PHACTR1: variants seen among roughly 807,000 people sequenced by gnomAD.
PHACTR1 encodes RPEL repeat containing 1.
PHACTR1 carries 16 observed loss-of-function variants against 69.2 expected under a neutral mutation model. The observed-to-expected ratio is 0.23, with a 90% confidence interval of 0.16 to 0.35. The LOEUF (loss-of-function observed/expected upper bound fraction) is 0.35, where lower values mean the gene tolerates loss of function less well. PHACTR1 is among the 10% of genes least tolerant of loss of function. The probability of loss-of-function intolerance (pLI) is 1.00; values close to 1 mark genes in which losing one functional copy is unlikely to be tolerated. For synonymous variants in PHACTR1, 312 were observed against 284.5 expected (o/e 1.10, Z -0.97); for missense variants, 510 against 734.7 (o/e 0.69, Z 3.54).
chr6:12,924,840 T>C (rs1788109643), intron 4 of PHACTR1, among the ~76,000 whole-genome samples: 1 of 152,066 alleles, frequency 6.6e-6, no homozygotes. Context: ...CTTACACTCA[T>C]TTGGACCCAA....
In PHACTR1 at chr6:13,283,188, A is replaced by G; in HGVS notation, c.1510-234A>G. On this transcript the variant is annotated intron_variant, in intron 12 of 14. Coordinates refer to ENST00000332995, the MANE Select transcript of PHACTR1 (RefSeq NM_030948.6). This position sits in a 1 kb window ranked among gnomAD's most constrained non-coding sequence, Gnocchi z 4.7. ...AAAAAAAGAGCTTGGCCTAGAGGGT[A>G]TGTAAGGGATAACAAAGCTCTCTCT... is the stretch of plus-strand genomic sequence containing the variant. 1 of 455,040 alleles carries G rather than the reference A, an allele frequency of 2.2e-6. No individual in the cohort carries two copies. 28.2% of individuals were successfully genotyped at this position (455,040 alleles called of 1,614,324 possible).
chr6:12,820,578 G>A (rs535645805), intron 4 of PHACTR1, among the ~76,000 whole-genome samples: 16 of 152,124 alleles, frequency 1.1e-4, no homozygotes, highest in African/African-American at 2.9e-4. Flanking sequence ...CTCTCTTCTC[G>A]CTTTCTCCTC....
At chr6:13,142,318 G>C (rs1275151291) in intron 5 of PHACTR1, among the ~76,000 whole-genome samples, 7 of 152,108 alleles carry the variant, frequency 4.6e-5, no homozygotes, top group Non-Finnish European at 8.8e-5. Flanking sequence ...TGGCCAGGCT[G>C]GTCTTGAACT....
chr6:13,091,960 G>A (rs1345130253), intron 5 of PHACTR1, among the ~76,000 whole-genome samples: 1 of 152,128 alleles, frequency 6.6e-6, no homozygotes, highest in Non-Finnish European at 1.5e-5. Context: ...ACCACGCCTG[G>A]CTAATTTTTT....
At chr6:12,840,040 T>C (rs1428733850) in intron 4 of PHACTR1, among the ~76,000 whole-genome samples, 1 of 152,118 alleles carries the variant, frequency 6.6e-6, no homozygotes, top group Non-Finnish European at 1.5e-5. Flanking sequence ...TGTCAGCCCT[T>C]GCTCCTGTAC....
intron 7 of PHACTR1, among the ~76,000 whole-genome samples, chr6:13,189,048 A>G (rs1763164008): frequency 6.6e-6 from 1 of 152,256 alleles, no homozygotes; most frequent in Non-Finnish European, 1.5e-5. Flanking sequence ...TCAGATGTTC[A>G]ACGCTGCATG....
rs186674475 is a variant in PHACTR1, at chr6:12,831,602, T to C, written c.250+81812T>C. ...GTGTGGCTTCTCTCGAAGTGTTTCT[T>C]ACCTCATAGGAGGCCTTGGCCTGTC... On this transcript the variant is annotated intron_variant, in intron 4 of 14. Transcript: ENST00000332995. 8.5e-4 allele frequency among the ~76,000 whole-genome samples: 130 copies of C among 152,266 alleles called. 2 individuals carry two copies. Among genetic ancestry groups the C allele is most frequent in the Non-Finnish European group, 4.6e-4 (31 of 67,994 alleles).
intron 4 of PHACTR1, among the ~76,000 whole-genome samples, chr6:12,810,388 T>C (rs988694362): frequency 2.6e-5 from 4 of 152,202 alleles, no homozygotes; most frequent in African/African-American, 9.6e-5. Context: ...CTTCCATCCC[T>C]CCACATCCCC....
intron 3 of PHACTR1, among the ~76,000 whole-genome samples, chr6:12,734,184 T>G (rs1763939177): frequency 6.6e-6 from 1 of 152,210 alleles, no homozygotes; most frequent in Non-Finnish European, 1.5e-5. Flanking sequence ...CATAATGTTT[T>G]ATCCTCCCAA....
chr6:13,063,459 A>C (rs1448406588), intron 5 of PHACTR1, among the ~76,000 whole-genome samples: 2 of 152,068 alleles, frequency 1.3e-5, no homozygotes, highest in African/African-American at 4.8e-5. Context: ...AAGAGAGGAG[A>C]GGTTAACAGT....
chr6:12,801,298 G>A (rs1191069189), intron 4 of PHACTR1, among the ~76,000 whole-genome samples: 3 of 152,190 alleles, frequency 2.0e-5, no homozygotes, highest in African/African-American at 4.8e-5. Context: ...TGTTAAGTTA[G>A]TGAGATGGTC....
intron 4 of PHACTR1, among the ~76,000 whole-genome samples, chr6:12,867,123 G>A (rs374182273): frequency 1.6e-4 from 24 of 152,142 alleles, no homozygotes; most frequent in African/African-American, 5.3e-4. Flanking sequence ...AGGGGGGTTT[G>A]CAACATACTT....
intron 4 of PHACTR1, among the ~76,000 whole-genome samples, chr6:12,952,010 G>A (rs1263307776): frequency 3.3e-5 from 5 of 152,108 alleles, no homozygotes; most frequent in African/African-American, 9.7e-5. Context: ...CATTGCACTC[G>A]AGCCAGTGAG....
At chr6:13,067,902 G>A (rs1808898823) in intron 5 of PHACTR1, among the ~76,000 whole-genome samples, 1 of 152,092 alleles carries the variant, frequency 6.6e-6, no homozygotes, top group Non-Finnish European at 1.5e-5. Context: ...GAGTTTTATG[G>A]GAGAGGTGGT....
intron 4 of PHACTR1, among the ~76,000 whole-genome samples, chr6:13,022,676 A>C (rs1561704231): frequency 6.6e-6 from 1 of 151,882 alleles, no homozygotes; most frequent in Admixed American, 6.6e-5. Context: ...TAAAAAAAAA[A>C]AAAAACTTTG....
chr6:13,272,722 G>T, intron 10 of PHACTR1, 138 bp from the exon 11 acceptor site: 20 of 1,595,216 alleles, frequency 1.3e-5, no homozygotes, highest in Non-Finnish European at 1.6e-5. Context: ...GTGGTGGCGA[G>T]AGTCAGTCTT....
At chr6:12,746,300 G>A (rs1221769149) in intron 3 of PHACTR1, among the ~76,000 whole-genome samples, 1 of 152,228 alleles carries the variant, frequency 6.6e-6, no homozygotes, top group Non-Finnish European at 1.5e-5. Context: ...TTGGGAGGCT[G>A]AATTGGGCGG....
At chr6:13,278,972 A>G (rs1434396354) in intron 12 of PHACTR1, among the ~76,000 whole-genome samples, 1 of 151,720 alleles carries the variant, frequency 6.6e-6, no homozygotes, top group Non-Finnish European at 1.5e-5. Flanking sequence ...CAAAAAAAAA[A>G]AAAAATTACT....
chr6:13,164,393 C>T (rs1228229062), intron 6 of PHACTR1, among the ~76,000 whole-genome samples: 1 of 152,026 alleles, frequency 6.6e-6, no homozygotes, highest in Non-Finnish European at 1.5e-5. Context: ...CATTTTGCAC[C>T]ATCTCCTTGT....
Sources: gnomAD v4.1 joint callset for allele counts (sites outside exome capture counted in the v4.1 genomes callset) on GRCh38, gnomAD v4.1.1 for gene constraint, Gnocchi (gnomAD v3.1) non-coding constraint, MANE v1.5 for transcripts, NCBI Gene and HGNC (gene_info 2026-07-23, HGNC 2026-07-21) for gene names.